The following MTCL2 variants were observed in gnomAD, a reference collection of about 807,000 sequenced individuals.
MTCL2 encodes microtubule crosslinking factor 2, also known as microtubule cross-linking factor 2.
chr20:36,853,609 G>A, the MTCL2 span, among the ~76,000 whole-genome samples: 1 of 152,086 alleles, frequency 6.6e-6, no homozygotes, highest in African/African-American at 2.4e-5. Flanking sequence ...GGCCCAGGAA[G>A]ATAAGGTCTA....
chr20:36,828,170 C>T, the MTCL2 span, among the ~76,000 whole-genome samples: 1 of 152,194 alleles, frequency 6.6e-6, no homozygotes, highest in African/African-American at 2.4e-5. Flanking sequence ...AGAGCTAAGG[C>T]CTGGCTCTGC....
chr20:36,819,544 T>C, the MTCL2 span, among the ~76,000 whole-genome samples: 1 of 151,414 alleles, frequency 6.6e-6, no homozygotes, highest in Non-Finnish European at 1.5e-5. Context: ...AAAATGTGTC[T>C]TCTCTGATGA....
At chr20:36,851,663 T>C in the MTCL2 span, among the ~76,000 whole-genome samples, 3 of 152,222 alleles carry the variant, frequency 2.0e-5, no homozygotes, top group Non-Finnish European at 4.4e-5. Context: ...ATTACGTCCA[T>C]CTTAATCCCT....
At chr20:36,808,419 G>A in the MTCL2 span, 1 of 1,019,718 alleles carries the variant, frequency 9.8e-7, no homozygotes, top group Non-Finnish European at 1.5e-6. Context: ...AGGTATGTGA[G>A]CCTAGGAGTT....
chr20:36,785,692 G>A, the MTCL2 span: 10 of 985,436 alleles, frequency 1.0e-5, no homozygotes, highest in Non-Finnish European at 1.2e-5. Context: ...TCTTGAGACT[G>A]ACTCTACCTA....
At chr20:36,844,399 A>AT in the MTCL2 span, among the ~76,000 whole-genome samples, 12 of 149,294 alleles carry the variant, frequency 8.0e-5, no homozygotes, top group African/African-American at 2.7e-4. Flanking sequence ...CTACAAAAAA[A>AT]AAATAATAAT....
chr20:36,838,252 G>A, the MTCL2 span, among the ~76,000 whole-genome samples: 3 of 152,016 alleles, frequency 2.0e-5, no homozygotes, highest in African/African-American at 7.2e-5. Flanking sequence ...GGGTTTCACT[G>A]TATTAGCCAG....
chr20:36,797,369 G>T, the MTCL2 span: 1 of 866,944 alleles, frequency 1.2e-6, no homozygotes, highest in Non-Finnish European at 1.8e-6. Context: ...AGACTCCAGG[G>T]CTGAGGAGCC....
the MTCL2 span, chr20:36,809,960 G>C: frequency 6.3e-7 from 1 of 1,590,920 alleles, no homozygotes. Flanking sequence ...TAGCTGCCTG[G>C]AAAGCGCTGG....
the MTCL2 span, among the ~76,000 whole-genome samples, chr20:36,799,419 G>T: frequency 6.6e-6 from 1 of 152,062 alleles, no homozygotes; most frequent in African/African-American, 2.4e-5. Context: ...TTGAACGCGG[G>T]AGGCAGAGGT....
the MTCL2 span, among the ~76,000 whole-genome samples, chr20:36,821,212 CTT>C: frequency 6.6e-6 from 1 of 152,208 alleles, no homozygotes; most frequent in Non-Finnish European, 1.5e-5. Flanking sequence ...GTTTATATTA[CTT>C]TTTTAGATTA....
chr20:36,810,133 T>C, the MTCL2 span: 1 of 1,573,430 alleles, frequency 6.4e-7, no homozygotes, highest in Non-Finnish European at 8.6e-7. Flanking sequence ...GGGACACAGA[T>C]AATGAGGAGG....
chr20:36,803,195 G>A, the MTCL2 span: 1 of 1,476,822 alleles, frequency 6.8e-7, no homozygotes, highest in African/African-American at 1.4e-5. Flanking sequence ...TGCCAGCGGG[G>A]AAAAGGGGAG....
chr20:36,862,695 TC>T, the MTCL2 span: 1 of 1,498,418 alleles, frequency 6.7e-7, no homozygotes. Flanking sequence ...CTCCTCCAGC[TC>T]CCGCACCAAG....
the MTCL2 span, among the ~76,000 whole-genome samples, chr20:36,806,740 G>A: frequency 3.4e-4 from 52 of 152,150 alleles, no homozygotes; most frequent in African/African-American, 1.0e-3. Flanking sequence ...GACTGGTCTC[G>A]AACTCCTGAT....
chr20:36,832,011 G>A, the MTCL2 span, among the ~76,000 whole-genome samples: 7 of 152,302 alleles, frequency 4.6e-5, no homozygotes, highest in South Asian at 4.1e-4. Flanking sequence ...GATCAAGGCC[G>A]CAGACATACT....
the MTCL2 span, chr20:36,793,193 G>A: frequency 2.4e-5 from 35 of 1,486,978 alleles, no homozygotes; most frequent in Non-Finnish European, 3.1e-5. The surrounding 1 kb of genome is among the most constrained non-coding windows in gnomAD (Gnocchi z 6.8). Flanking sequence ...AAAAGAGCTT[G>A]GACCTTATAT....
chr20:36,815,735 T>C, the MTCL2 span: 2 of 1,593,658 alleles, frequency 1.3e-6, no homozygotes, highest in Admixed American at 1.8e-5. The surrounding 1 kb of genome is among the most constrained non-coding windows in gnomAD (Gnocchi z 5.3). Context: ...GCTCCTCCTG[T>C]GAAGGTTCGC....
At chr20:36,847,088 T>C in the MTCL2 span, among the ~76,000 whole-genome samples, 4 of 152,226 alleles carry the variant, frequency 2.6e-5, no homozygotes, top group East Asian at 7.7e-4. Context: ...GCATTATCAG[T>C]TGACAGTTTA....
Sources: allele counts gnomAD v4.1 joint callset (sites outside exome capture counted in the v4.1 genomes callset), GRCh38; gene constraint gnomAD v4.1.1; non-coding constraint Gnocchi (gnomAD v3.1); transcripts MANE v1.5; gene names NCBI Gene and HGNC (gene_info 2026-07-23, HGNC 2026-07-21).